ARL6IP5: variants seen among roughly 807,000 people sequenced by gnomAD.
ARL6IP5 encodes ARF like GTPase 6 interacting protein 5.
Under a neutral mutation model 13.0 loss-of-function variants are expected in ARL6IP5, and 6 were observed. The observed-to-expected ratio is 0.46, with a 90% CI of 0.25 to 0.91. ARL6IP5 has a LOEUF of 0.91. ARL6IP5 is among the 40% of genes least tolerant of loss of function. The probability of loss-of-function intolerance (pLI) is 0.17; values close to 1 mark genes in which losing one functional copy is unlikely to be tolerated. For synonymous variants in ARL6IP5, 91 were observed against 91.9 expected (o/e 0.99, Z 0.06); for missense variants, 208 against 248.8 (o/e 0.84, Z 1.10).
chr3:69,087,683 C>T (rs1473525556), intron 1 of ARL6IP5, among the ~76,000 whole-genome samples: 1 of 152,126 alleles, frequency 6.6e-6, no homozygotes, highest in East Asian at 1.9e-4. Context: ...CCTCATTTTC[C>T]TTTCAAATAA....
chr3:69,096,216 A>C (rs1457038957), intron 1 of ARL6IP5, among the ~76,000 whole-genome samples: 3 of 152,182 alleles, frequency 2.0e-5, no homozygotes, highest in African/African-American at 7.2e-5. Flanking sequence ...CAGGTTATGA[A>C]CTAAAACCAG....
intron 2 of ARL6IP5, 70 bp from the exon 3 acceptor site, chr3:69,104,393 AG>A (rs1327308780): frequency 1.4e-6 from 2 of 1,447,844 alleles, no homozygotes; most frequent in African/African-American, 2.8e-5. Flanking sequence ...GTGTGAAGAG[AG>A]GGAGTGTAAT....
At chr3:69,091,233 G>A (rs1047072263) in intron 1 of ARL6IP5, among the ~76,000 whole-genome samples, 2 of 152,034 alleles carry the variant, frequency 1.3e-5, no homozygotes, top group African/African-American at 4.8e-5. Flanking sequence ...TCTTTAATAA[G>A]GATTGCTTTT....
chr3:69,093,580 T>C (rs1044456525), intron 1 of ARL6IP5, among the ~76,000 whole-genome samples: 3 of 151,960 alleles, frequency 2.0e-5, no homozygotes, highest in African/African-American at 7.3e-5. Flanking sequence ...CTGGCCAACA[T>C]GGTGAAACAT....
chr3:69,092,161 G>C (rs1251916619), intron 1 of ARL6IP5, among the ~76,000 whole-genome samples: 1 of 152,124 alleles, frequency 6.6e-6, no homozygotes, highest in Non-Finnish European at 1.5e-5. Context: ...AACAACTTCA[G>C]GTTTGCAAGC....
At chr3:69,090,338 CAA>C (rs2107510933) in intron 1 of ARL6IP5, among the ~76,000 whole-genome samples, 1 of 152,316 alleles carries the variant, frequency 6.6e-6, no homozygotes, top group South Asian at 2.1e-4. Flanking sequence ...ATTCAATTAA[CAA>C]AGAGTATGAA....
At chr3:69,095,691 C>A (rs758239706) in intron 1 of ARL6IP5, among the ~76,000 whole-genome samples, 1 of 152,076 alleles carries the variant, frequency 6.6e-6, no homozygotes, top group Non-Finnish European at 1.5e-5. Flanking sequence ...GATGGGGTTT[C>A]GCCATGTTGG....
rs1279725790 is a variant in ARL6IP5, at chr3:69,105,865, G to A, written c.*1229G>A. 6.6e-6 allele frequency: 1 copy of A among 152,152 alleles called. No individual in the cohort carries two copies. Among genetic ancestry groups the A allele is most frequent in the African/African-American group, 2.4e-5 (1 of 41,438 alleles). 9.4% of individuals were successfully genotyped at this position (152,152 alleles called of 1,614,324 possible). ...GTAGCATTAAATTGTGAAGACAACT[G>A]GAGTGGTACTTACTGAAGAAACTCT... On this transcript the variant is annotated 3_prime_UTR_variant, in exon 3 of 3. Coordinates refer to ENST00000273258, the MANE Select transcript of ARL6IP5 (RefSeq NM_006407.4).
chr3:69,094,539 G>A lies in ARL6IP5; in HGVS notation c.177-7300G>A, dbSNP rs543851717. Among the ~76,000 whole-genome samples, 17 of 152,102 alleles carry A rather than the reference G, an allele frequency of 1.1e-4. 1 individual carries two copies. Among genetic ancestry groups the A allele is most frequent in the African/African-American group, 3.9e-4 (16 of 41,500 alleles). On this transcript the variant is annotated intron_variant, in intron 1 of 2. Transcript: ENST00000273258. ...CATCGCCAATTTAGAGAAGTCCACCGTGAGTATATTGTTCCCCACTTTTTC... is the reference window on the plus strand; with the variant it reads ...CATCGCCAATTTAGAGAAGTCCACCATGAGTATATTGTTCCCCACTTTTTC...
Position 69,084,993 on chromosome 3 carries a change from G to A in ARL6IP5, c.-55G>A. On this transcript the variant is annotated 5_prime_UTR_variant, in exon 1 of 3. Transcript: ENST00000273258. ...CTCTCCAACTCAGCTCAGCTGATCG[G>A]TTGCCGCCGCCGCCGCCGCCAGATT... 2 of 1,586,214 alleles carry A rather than the reference G, an allele frequency of 1.3e-6. No homozygotes were observed.
chr3:69,087,213 A>T (rs752709369), intron 1 of ARL6IP5, among the ~76,000 whole-genome samples: 1 of 151,144 alleles, frequency 6.6e-6, no homozygotes, highest in Admixed American at 6.6e-5. Context: ...GGGTCTCACT[A>T]TGTTGCCCAG....
In ARL6IP5 at chr3:69,104,626, TGAAG is replaced by T; in HGVS notation, c.561_564del (p.Lys187AsnfsTer30). The stretch of plus-strand genomic sequence containing the variant: ...AGACTCACTGACTATATCAGCAAAG[TGAAG>T]GAATAAACATAACTTACCTGAGCTA... On this transcript the variant is annotated frameshift_variant, in exon 3 of 3. Coordinates refer to ENST00000273258, the MANE Select transcript of ARL6IP5 (RefSeq NM_006407.4). LOFTEE classifies it high-confidence loss of function. 1 of 1,613,282 alleles carries T rather than the reference TGAAG, an allele frequency of 6.2e-7. No individual in the cohort carries two copies. The highest frequency in any genetic ancestry group is 1.1e-5 in the South Asian group (1 of 90,994).
chr3:69,085,518 G>C (rs1272767812), intron 1 of ARL6IP5, among the ~76,000 whole-genome samples: 5 of 152,178 alleles, frequency 3.3e-5, no homozygotes. Context: ...CCCTGCCCCC[G>C]CCCGCGTGCC....
At chr3:69,089,751 C>G in intron 1 of ARL6IP5, 1 of 455,294 alleles carries the variant, frequency 2.2e-6, no homozygotes, top group Non-Finnish European at 4.4e-6. Context: ...GCCTCTGCTG[C>G]TTCTCCAGCA....
intron 1 of ARL6IP5, among the ~76,000 whole-genome samples, chr3:69,088,395 A>G (rs1433148152): frequency 3.3e-5 from 5 of 152,216 alleles, no homozygotes; most frequent in Non-Finnish European, 7.3e-5. Flanking sequence ...CAATGGTTCC[A>G]TCCCCTGCTG....
At chr3:69,096,114 AC>A (rs1330344914) in intron 1 of ARL6IP5, among the ~76,000 whole-genome samples, 2 of 152,192 alleles carry the variant, frequency 1.3e-5, no homozygotes, top group African/African-American at 4.8e-5. Flanking sequence ...TTTATCAGAT[AC>A]AGAAGAAAAT....
At chr3:69,099,276 C>T (rs746781968) in intron 1 of ARL6IP5, among the ~76,000 whole-genome samples, 16 of 152,026 alleles carry the variant, frequency 1.1e-4, no homozygotes, top group Non-Finnish European at 2.1e-4. Context: ...GAGGCTGAGG[C>T]AGGAGAATTG....
In ARL6IP5 at chr3:69,101,961, C is replaced by G. The variant is rs371026759; in HGVS notation, c.299C>G (p.Thr100Arg). ...CGGATGAAGAAGCGCTACCCCACGA[C>G]GTTCGTTATGGTGGTCATGTTGGCG... ...LRRMKKRYPT[T>R]FVMVVMLASY... Residue 100 changes from threonine to arginine, a missense_variant, in exon 2 of 3, where the codon ACG becomes AGG. Physicochemically the swap from Thr to Arg is moderately conservative, Grantham distance 71. Transcript: ENST00000273258. The G allele has an allele frequency of 6.2e-7, 1 of 1,614,052 alleles. No homozygotes were observed. Among genetic ancestry groups the G allele is most frequent in the South Asian group, 1.1e-5 (1 of 91,080 alleles).
intron 2 of ARL6IP5, 47 bp from the exon 3 acceptor site, chr3:69,104,417 A>G: frequency 2.6e-6 from 4 of 1,560,812 alleles, no homozygotes; most frequent in Non-Finnish European, 3.5e-6. Flanking sequence ...TGATATGGCA[A>G]AAGAGAATTG....
Sources: gnomAD v4.1 joint callset for allele counts (sites outside exome capture counted in the v4.1 genomes callset) on GRCh38, gnomAD v4.1.1 for gene constraint, MANE v1.5 for transcripts, NCBI Gene and HGNC (gene_info 2026-07-23, HGNC 2026-07-21) for gene names.